Variants in KMT2C observed in about 807,000 individuals in gnomAD.
KMT2C encodes the protein lysine methyltransferase 2C.
A neutral mutation model predicts 507.9 loss-of-function variants in KMT2C; 88 were observed. The observed-to-expected ratio is 0.17, with a 90% CI of 0.15 to 0.21. The LOEUF is 0.21. Among genes scored for constraint, KMT2C ranks in the 10% least tolerant of loss-of-function variants. The pLI is 1.00. For synonymous variants in KMT2C, 2,049 were observed against 2,080.8 expected, an observed-to-expected ratio of 0.98 and a Z score of 0.42; for missense variants, 4,954 against 5,957.8, an observed-to-expected ratio of 0.83 and a Z score of 5.55.
chr7:152,243,941 T>C (rs2095428025), intron 14 of KMT2C, among the ~76,000 whole-genome samples: 1 of 152,188 alleles, frequency 6.6e-6, no homozygotes. Flanking sequence ...ACATTCAATA[T>C]CTTTCTATAA....
At chr7:152,349,247 A>C (rs1589362268) in intron 2 of KMT2C, among the ~76,000 whole-genome samples, 1 of 152,152 alleles carries the variant, frequency 6.6e-6, no homozygotes, top group Non-Finnish European at 1.5e-5. Context: ...GGAGTTCGAG[A>C]CCAGCCTGAT....
intron 31 of KMT2C, among the ~76,000 whole-genome samples, chr7:152,192,452 G>A (rs1476170474): frequency 5.3e-5 from 8 of 151,660 alleles, no homozygotes; most frequent in Admixed American, 5.3e-4. Flanking sequence ...TAAGCCAGAA[G>A]AATCGCTGAA....
chr7:152,204,792 T>C (rs1050838644), intron 25 of KMT2C, among the ~76,000 whole-genome samples: 2 of 152,084 alleles, frequency 1.3e-5, no homozygotes, highest in African/African-American at 4.8e-5. Flanking sequence ...AAACCATTTA[T>C]ATTTAAATAT....
rs2092042297 is a variant in KMT2C at position 152,156,335 on chromosome 7, T to C, written c.11682A>G (p.Leu3894=). ...AGGCAGGGGGTGTTGGAGGATTACT[T>C]AAATTATTCTGCTGCAGGAGACCAA... The part of the protein sequence containing the change: ...TFTHLKQQNN[L]SNPPTPPASL... Residue 3894 remains leucine (L), a synonymous_variant, in exon 45 of 59, where the codon TTA becomes TTG. Coordinates refer to ENST00000262189, the MANE Select transcript of KMT2C (RefSeq NM_170606.3). 2 of 1,613,924 alleles carry C rather than the reference T, an allele frequency of 1.2e-6. No homozygotes were observed. Among genetic ancestry groups the C allele is most frequent in the Admixed American group, 1.7e-5 (1 of 59,992 alleles).
In KMT2C at chr7:152,170,042, T is replaced by C. The variant is rs535006138; in HGVS notation, c.9454-793A>G. 3.9e-5 allele frequency among the ~76,000 whole-genome samples: 6 copies of C among 152,318 alleles called. No homozygotes were observed. The South Asian group carries it at 1.2e-3, about 32-fold the overall frequency. ...CATGAGCTGTATACAAGGTAATAAT[T>C]ATAAACTTATACTAGCAGCCAGAAT... On this transcript the variant is annotated intron_variant, in intron 40 of 58. Transcript: ENST00000262189.
chr7:152,249,976 A>G, intron 12 of KMT2C, 23 bp from the exon 13 acceptor site: 1 of 1,509,256 alleles, frequency 6.6e-7, no homozygotes, highest in Non-Finnish European at 9.2e-7. Context: ...CATTTATAAA[A>G]TCTCTAAGGA....
chr7:152,148,058 C>T lies in KMT2C; in HGVS notation c.13869G>A (p.Leu4623=). 1 of 1,592,608 alleles carries T rather than the reference C, an allele frequency of 6.3e-7. No individual in the cohort carries two copies. The highest frequency in any genetic ancestry group is 8.6e-7 in the Non-Finnish European group (1 of 1,164,514). ...CTTTAGGTGAGATGTCACTTAGAACCAGGTCTTCATGGCCTTGTTCCACAA... is the reference window on the plus strand; with the variant it reads ...CTTTAGGTGAGATGTCACTTAGAACTAGGTCTTCATGGCCTTGTTCCACAA... ...IRIVEQGHED[L]VLSDISPKGV... Residue 4623 remains leucine, a synonymous_variant, in exon 52 of 59, where the codon CTG becomes CTA. Coordinates refer to ENST00000262189, the MANE Select transcript of KMT2C (RefSeq NM_170606.3). This position sits in a 1 kb window ranked among gnomAD's most constrained non-coding sequence, Gnocchi z 7.1.
At chr7:152,297,813 G>GCAGACAATCATGATGCAAACTGAAAATA (rs1200460294) in intron 6 of KMT2C, among the ~76,000 whole-genome samples, 1 of 152,176 alleles carries the variant, frequency 6.6e-6, no homozygotes, top group Non-Finnish European at 1.5e-5. Context: ...ATAAAAAGCA[G>GCAGACAATCATGATGCAAACTGAAAATA]CAGACAATCA....
intron 1 of KMT2C, among the ~76,000 whole-genome samples, chr7:152,400,051 G>C (rs1447587410): frequency 6.6e-6 from 1 of 152,156 alleles, no homozygotes; most frequent in Non-Finnish European, 1.5e-5. Context: ...GTTCACGCCT[G>C]TAATCCCAGC....
intron 14 of KMT2C, among the ~76,000 whole-genome samples, chr7:152,246,877 C>T (rs1158971402): frequency 6.6e-6 from 1 of 152,048 alleles, no homozygotes; most frequent in African/African-American, 2.4e-5. Flanking sequence ...CTTTCCCTTT[C>T]GTGTACCTTG....
intron 1 of KMT2C, among the ~76,000 whole-genome samples, chr7:152,411,390 A>G (rs2097681709): frequency 6.6e-6 from 1 of 152,010 alleles, no homozygotes; most frequent in Non-Finnish European, 1.5e-5. Context: ...CAGGGCCCAC[A>G]CAAGAAAAAA....
intron 1 of KMT2C, among the ~76,000 whole-genome samples, chr7:152,397,065 CTCTAA>C (rs1321654574): frequency 3.9e-5 from 6 of 152,166 alleles, no homozygotes; most frequent in Non-Finnish European, 8.8e-5. Context: ...TAAGATCAAT[CTCTAA>C]TCTAAGTAAA....
At chr7:152,269,504 CAT>C (rs763404868) in intron 7 of KMT2C, among the ~76,000 whole-genome samples, 62 of 152,126 alleles carry the variant, frequency 4.1e-4, no homozygotes, top group Non-Finnish European at 6.3e-4. Flanking sequence ...TTTAGACACA[CAT>C]GTCTGTAAGC....
At chr7:152,406,817 A>C (rs1464601589) in intron 1 of KMT2C, among the ~76,000 whole-genome samples, 16 of 151,088 alleles carry the variant, frequency 1.1e-4, no homozygotes, top group African/African-American at 1.2e-4. Context: ...TGTGGGGCCA[A>C]AAAAGGGTTT....
At chr7:152,374,678 C>T (rs2097315165) in intron 1 of KMT2C, among the ~76,000 whole-genome samples, 1 of 151,884 alleles carries the variant, frequency 6.6e-6, no homozygotes, top group African/African-American at 2.4e-5. Context: ...GTGGGTGGAT[C>T]ACTTAAGGTC....
chr7:152,368,719 T>C lies in KMT2C; in HGVS notation c.162-10044A>G, dbSNP rs2097267806. ...GCCAATATGCCAGCTTGGACATCAGTGTTTGTTGGATCCGTTTGACCAATA... is the reference window on the plus strand; with the variant it reads ...GCCAATATGCCAGCTTGGACATCAGCGTTTGTTGGATCCGTTTGACCAATA... On this transcript the variant is annotated intron_variant, in intron 1 of 58. Transcript: ENST00000262189. 3.2e-5 allele frequency: 39 copies of C among 1,204,490 alleles called. No homozygotes were observed. In the South Asian group the frequency reaches 4.7e-4, roughly 15 times the overall value. 74.6% of individuals were successfully genotyped at this position (1,204,490 alleles called of 1,614,324 possible). A position where few individuals can be genotyped will look rare whatever the true frequency, so the allele number is the denominator to read the frequency against.
intron 35 of KMT2C, 38 bp downstream of exon 35, chr7:152,182,936 T>C: frequency 2.7e-6 from 4 of 1,477,364 alleles, no homozygotes; most frequent in Non-Finnish European, 3.6e-6. Flanking sequence ...AAAACAAAAA[T>C]GCAACTTCAA....
In KMT2C at chr7:152,181,561, G is replaced by A. The variant is rs757737318; in HGVS notation, c.6299C>T (p.Thr2100Ile). The change falls in exon 36 of 59, where the codon ACC becomes ATC. Residue 2100 changes from threonine (T) to isoleucine (I), a missense_variant. By Grantham distance (89) the Thr-to-Ile change is moderately conservative. Coordinates refer to ENST00000262189, the MANE Select transcript of KMT2C (RefSeq NM_170606.3). Reference sequence around the variant, plus strand: ...AGATTCATTCACTGCTGGATGTGGGGTAAGGGGAGGCTGACTATATGGATC... The same window carrying A: ...AGATTCATTCACTGCTGGATGTGGGATAAGGGGAGGCTGACTATATGGATC... ...SNDPYSQPPL[T>I]PHPAVNESFA... 17 of 1,614,082 alleles carry A rather than the reference G, an allele frequency of 1.1e-5. No individual in the cohort carries two copies. The highest frequency in any genetic ancestry group is 1.6e-4 in the Middle Eastern group (1 of 6,062).
chr7:152,293,705 T>C (rs1399490866), intron 6 of KMT2C, among the ~76,000 whole-genome samples: 1 of 152,198 alleles, frequency 6.6e-6, no homozygotes, highest in Non-Finnish European at 1.5e-5. Context: ...TAAAATTAAA[T>C]TGAGACATCT....
Sources: allele counts gnomAD v4.1 joint callset (sites outside exome capture counted in the v4.1 genomes callset), GRCh38; gene constraint gnomAD v4.1.1; non-coding constraint Gnocchi (gnomAD v3.1); transcripts MANE v1.5; gene names NCBI Gene and HGNC (gene_info 2026-07-23, HGNC 2026-07-21).